Variants in CHRM3 observed in about 807,000 individuals in gnomAD.
The protein encoded by CHRM3 is muscarinic acetylcholine receptor M3.
A neutral mutation model predicts 41.8 loss-of-function variants in CHRM3; 11 were observed. The observed-to-expected ratio is 0.26, with a 90% CI of 0.17 to 0.44. The LOEUF (loss-of-function observed/expected upper bound fraction) is 0.44. Among genes scored for constraint, CHRM3 ranks in the 20% least tolerant of loss-of-function variants. The probability of loss-of-function intolerance (pLI) is 1.00; values close to 1 mark genes in which losing one functional copy is unlikely to be tolerated. For synonymous variants in CHRM3, 297 were observed against 301.4 expected (o/e 0.99, Z 0.15); for missense variants, 571 against 745.4 (o/e 0.77, Z 2.72).
At chr1:239,581,140 C>T (rs1369203431) in intron 3 of CHRM3, among the ~76,000 whole-genome samples, 1 of 152,000 alleles carries the variant, frequency 6.6e-6, no homozygotes, top group African/African-American at 2.4e-5. Context: ...ATCGTGGACC[C>T]TGTACTCTTA....
intron 3 of CHRM3, among the ~76,000 whole-genome samples, chr1:239,632,021 C>T (rs184182432): frequency 6.6e-6 from 1 of 152,282 alleles, no homozygotes; most frequent in East Asian, 1.9e-4. Flanking sequence ...TGACGGGTAC[C>T]TTAACTTCTC....
chr1:239,837,083 T>G (rs1310394100), intron 6 of CHRM3, among the ~76,000 whole-genome samples: 1 of 152,164 alleles, frequency 6.6e-6, no homozygotes, highest in Non-Finnish European at 1.5e-5. Flanking sequence ...TAAACAGGGT[T>G]GTAAGCAGAA....
At chr1:239,463,233 AT>A (rs1665486912) in intron 1 of CHRM3, among the ~76,000 whole-genome samples, 1 of 152,172 alleles carries the variant, frequency 6.6e-6, no homozygotes, top group Admixed American at 6.5e-5. Flanking sequence ...TAATATTGGA[AT>A]TGTATGAGGC....
intron 1 of CHRM3, among the ~76,000 whole-genome samples, chr1:239,419,915 A>G (rs1425464759): frequency 6.6e-6 from 1 of 152,186 alleles, no homozygotes; most frequent in Admixed American, 6.5e-5. Context: ...CCTTTATGTT[A>G]TTTCAATGAG....
At chr1:239,668,514 C>T (rs1277464101) in intron 4 of CHRM3, among the ~76,000 whole-genome samples, 1 of 152,162 alleles carries the variant, frequency 6.6e-6, no homozygotes, top group African/African-American at 2.4e-5. Flanking sequence ...CAGTCTTCCA[C>T]TCAAAGCATT....
intron 6 of CHRM3, among the ~76,000 whole-genome samples, chr1:239,868,344 C>A (rs999698101): frequency 6.6e-6 from 1 of 152,178 alleles, no homozygotes; most frequent in Non-Finnish European, 1.5e-5. Flanking sequence ...CACATTTACT[C>A]GTTCACATGG....
intron 5 of CHRM3, among the ~76,000 whole-genome samples, chr1:239,747,680 T>G (rs1665485710): frequency 6.6e-6 from 1 of 152,208 alleles, no homozygotes; most frequent in African/African-American, 2.4e-5. Flanking sequence ...TTGAAAGTAT[T>G]AGTAACATGT....
chr1:239,423,391 G>A (rs934840005), intron 1 of CHRM3, among the ~76,000 whole-genome samples: 1 of 152,152 alleles, frequency 6.6e-6, no homozygotes, highest in African/African-American at 2.4e-5. Context: ...ACACTCAAAG[G>A]CCACCTGGAT....
intron 3 of CHRM3, among the ~76,000 whole-genome samples, chr1:239,618,590 A>C (rs913588105): frequency 3.0e-4 from 46 of 151,972 alleles, no homozygotes; most frequent in Admixed American, 2.4e-3. Context: ...CACGCCTGTA[A>C]TCCCAGCACT....
chr1:239,492,007 C>T (rs1178411367), intron 1 of CHRM3, among the ~76,000 whole-genome samples: 1 of 152,154 alleles, frequency 6.6e-6, no homozygotes, highest in Non-Finnish European at 1.5e-5. Flanking sequence ...ATTTAATTCA[C>T]AAGTTGGCTG....
At chr1:239,586,803 G>A (rs2148615787) in intron 3 of CHRM3, among the ~76,000 whole-genome samples, 1 of 152,226 alleles carries the variant, frequency 6.6e-6, no homozygotes, top group African/African-American at 2.4e-5. Flanking sequence ...GCTACACCCA[G>A]TTCTAGGATT....
At chr1:239,768,980 G>A (rs188528045) in intron 5 of CHRM3, among the ~76,000 whole-genome samples, 40 of 152,118 alleles carry the variant, frequency 2.6e-4, no homozygotes, top group African/African-American at 8.2e-4. Flanking sequence ...GCCCAGGCTG[G>A]TCTCCAACAC....
At position 239,866,375 on chromosome 1, in the gene CHRM3, G is replaced by A. The variant is rs531076135; in HGVS notation, c.-20+38997G>A. ...AGATCCCCCCACTGCACTCCAGCCT[G>A]GGCGACAGAGCAAGACCCTGTCTCA... is the stretch of plus-strand genomic sequence containing the variant. On this transcript the variant is annotated intron_variant, in intron 6 of 6. Coordinates refer to ENST00000676153, the MANE Select transcript of CHRM3 (RefSeq NM_001375978.1). 1.2e-3 allele frequency among the ~76,000 whole-genome samples: 186 copies of A among 151,928 alleles called. 2 individuals carry two copies. The highest frequency in any genetic ancestry group is 2.2e-3 in the Non-Finnish European group (151 of 67,968).
chr1:239,790,014 T>C (rs1200526286), intron 5 of CHRM3, among the ~76,000 whole-genome samples: 2 of 152,184 alleles, frequency 1.3e-5, no homozygotes, highest in African/African-American at 4.8e-5. Flanking sequence ...TAGCCCCCGT[T>C]TGGCGAATTT....
intron 3 of CHRM3, among the ~76,000 whole-genome samples, chr1:239,572,074 C>A (rs892088406): frequency 3.3e-5 from 5 of 152,192 alleles, no homozygotes; most frequent in African/African-American, 1.2e-4. Flanking sequence ...AGTTACAGTA[C>A]TCCCCATTTT....
chr1:239,650,653 G>A (rs12090480), intron 4 of CHRM3, among the ~76,000 whole-genome samples: 52,228 of 152,004 alleles, frequency 0.34, 9,272 homozygotes, highest in African/African-American at 0.41. Flanking sequence ...CATTTGAGAT[G>A]ATAAATTTAA....
intron 5 of CHRM3, among the ~76,000 whole-genome samples, chr1:239,792,610 A>C (rs780445315): frequency 3.3e-5 from 5 of 152,224 alleles, no homozygotes; most frequent in Non-Finnish European, 5.9e-5. Flanking sequence ...ATGACTTCCA[A>C]ATTCTTTGTT....
In CHRM3 at chr1:239,499,741, A is replaced by G. The variant is rs61834728; in HGVS notation, c.-422+6934A>G. Among the ~76,000 whole-genome samples the G allele has an allele frequency of 6.7e-3, 1,020 of 152,250 alleles. 5 individuals carry two copies. Among genetic ancestry groups the G allele is most frequent in the Non-Finnish European group, 9.8e-3 (668 of 68,012 alleles). On this transcript the variant is annotated intron_variant, in intron 2 of 6. Transcript: ENST00000676153. Reference sequence around the variant, plus strand: ...GTGAAACAGAAGCACCAGGTAACCTATAAAGGAAAATAAAGGAAAACCTAT... The same window carrying G: ...GTGAAACAGAAGCACCAGGTAACCTGTAAAGGAAAATAAAGGAAAACCTAT...
intron 1 of CHRM3, among the ~76,000 whole-genome samples, chr1:239,425,868 A>T (rs2103128793): frequency 6.6e-6 from 1 of 152,270 alleles, no homozygotes; most frequent in Admixed American, 6.5e-5. Context: ...TAGTTAACCT[A>T]ACCTTCCCTG....
Sources: gnomAD v4.1 joint callset for allele counts (sites outside exome capture counted in the v4.1 genomes callset) on GRCh38, gnomAD v4.1.1 for gene constraint, MANE v1.5 for transcripts, NCBI Gene and HGNC (gene_info 2026-07-23, HGNC 2026-07-21) for gene names.